KIF19: variants seen among roughly 807,000 people sequenced by gnomAD.
KIF19 encodes the protein kinesin family member 19, also known as kinesin-like protein KIF19.
In KIF19, 98 loss-of-function variants were observed where a neutral mutation model predicts 106.6. The observed-to-expected ratio is 0.92, with a 90% CI of 0.78 to 1.09. KIF19 has a LOEUF of 1.09. Among genes scored for constraint, KIF19 ranks in the 50% least tolerant of loss-of-function variants. The pLI is 0.00. For missense variants in KIF19, 1,373 were observed against 1,414.3 expected, an observed-to-expected ratio of 0.97 and a Z score of 0.47; for synonymous variants, 516 against 584.2, an observed-to-expected ratio of 0.88 and a Z score of 1.68.
At chr17:74,328,871 C>T (rs770619233) in intron 2 of KIF19, 1 of 166,126 alleles carries the variant, frequency 6.0e-6, no homozygotes, top group Non-Finnish European at 1.3e-5. Flanking sequence ...AAAATCCTCG[C>T]TCTCTGTTTG....
chr17:74,346,765 G>A lies in KIF19; in HGVS notation c.924+241G>A, dbSNP rs948648374. ...TTTTATCTGACGACCCTAACCAAAGGCTGGGCAATGGGAAGGAAAAGGAGC... is the reference window on the plus strand; with the variant it reads ...TTTTATCTGACGACCCTAACCAAAGACTGGGCAATGGGAAGGAAAAGGAGC... On this transcript the variant is annotated intron_variant, in intron 8 of 19. Coordinates refer to ENST00000389916, the MANE Select transcript of KIF19 (RefSeq NM_153209.4). This position sits in a 1 kb window ranked among gnomAD's most constrained non-coding sequence, Gnocchi z 4.6. 6.6e-6 allele frequency among the ~76,000 whole-genome samples: 1 copy of A among 152,128 alleles called. No individual in the cohort carries two copies. Among genetic ancestry groups the A allele is most frequent in the Non-Finnish European group, 1.5e-5 (1 of 68,042 alleles).
intron 1 of KIF19, among the ~76,000 whole-genome samples, chr17:74,327,615 G>A (rs1319864395): frequency 6.6e-6 from 1 of 152,218 alleles, no homozygotes; most frequent in East Asian, 1.9e-4. Flanking sequence ...TGGGATAACA[G>A]GCATGCACCA....
At position 74,352,845 on chromosome 17, in the gene KIF19, C is replaced by G; in HGVS notation, c.2005C>G (p.Pro669Ala). 6.2e-7 allele frequency: 1 copy of G among 1,613,972 alleles called. No individual in the cohort carries two copies. Among genetic ancestry groups the G allele is most frequent in the Non-Finnish European group, 8.5e-7 (1 of 1,179,880 alleles). The change falls in exon 15 of 20, where the codon CCA (proline) becomes GCA (alanine). Residue 669 changes from proline to alanine, a missense_variant. Coordinates refer to ENST00000389916, the MANE Select transcript of KIF19 (RefSeq NM_153209.4). ...LQDSSLPKIT[P>A]AGTSLTPDSD... ...GGACAGCTCCTTGCCCAAAATTACCCCAGCAGGAACCTCACTGACCCCAGA... is the reference window on the plus strand; with the variant it reads ...GGACAGCTCCTTGCCCAAAATTACCGCAGCAGGAACCTCACTGACCCCAGA...
In KIF19 at chr17:74,342,324, G is replaced by A. The variant is rs550852710; in HGVS notation, c.232-306G>A. On this transcript the variant is annotated intron_variant, in intron 3 of 19. Transcript: ENST00000389916. ...GTTCAGCGAAGCTGACACCCTCCTC[G>A]AGGACCCCCATCTCGCCCATCTGTG... is the stretch of plus-strand genomic sequence containing the variant. 1.2e-4 allele frequency among the ~76,000 whole-genome samples: 18 copies of A among 152,318 alleles called. No individual in the cohort carries two copies. The South Asian group carries it at 2.9e-3, about 25-fold the overall frequency.
Position 74,351,939 on chromosome 17 carries a change from A to T in KIF19, c.1660A>T (p.Ile554Phe). 1 of 1,466,910 alleles carries T rather than the reference A, an allele frequency of 6.8e-7. No individual in the cohort carries two copies. Among genetic ancestry groups the T allele is most frequent in the Non-Finnish European group, 9.0e-7 (1 of 1,115,558 alleles). 90.9% of individuals were successfully genotyped at this position (1,466,910 alleles called of 1,614,324 possible). The change falls in exon 13 of 20, where the codon ATC becomes TTC. Residue 554 changes from isoleucine to phenylalanine, a missense_variant. Ile to Phe is a conservative substitution (Grantham distance 21). Around this residue, in one of 3 missense-constraint regions of KIF19, gnomAD observed 1,020 missense variants for 1,008.2 expected, o/e 1.01. Transcript: ENST00000389916. ...RRLEETLPRR[I>F]GSEEQREVLS... ...CCTGGAGGAGACGCTGCCGCGGCGC[A>T]TCGGCTCCGAGGAGCAGCGCGAGGT... is the stretch of plus-strand genomic sequence containing the variant.
chr17:74,355,097 T>G, intron 19 of KIF19, 85 bp from the exon 20 acceptor site: 2 of 1,547,504 alleles, frequency 1.3e-6, no homozygotes, highest in Non-Finnish European at 1.8e-6. Context: ...GTGGTGCCCC[T>G]AGAGAGTTCA....
At chr17:74,336,450 A>G (rs2054221552) in intron 2 of KIF19, among the ~76,000 whole-genome samples, 1 of 152,138 alleles carries the variant, frequency 6.6e-6, no homozygotes, top group Non-Finnish European at 1.5e-5. Flanking sequence ...CCTTTTCATA[A>G]CGACACTCGT....
intron 2 of KIF19, among the ~76,000 whole-genome samples, chr17:74,336,362 C>T (rs1054217471): frequency 2.0e-5 from 3 of 151,936 alleles, no homozygotes; most frequent in African/African-American, 7.3e-5. Flanking sequence ...CCTGGCTCCC[C>T]TTGGCTTTAG....
At chr17:74,328,781 C>G in intron 2 of KIF19, 1 of 335,742 alleles carries the variant, frequency 3.0e-6, no homozygotes, top group South Asian at 3.8e-5. Context: ...GACTTTCCCA[C>G]CCTAATATGC....
intron 2 of KIF19, among the ~76,000 whole-genome samples, chr17:74,339,733 A>G (rs1672179937): frequency 6.6e-6 from 1 of 152,188 alleles, no homozygotes; most frequent in Non-Finnish European, 1.5e-5. Flanking sequence ...CCAGGACCCC[A>G]GGGAGCCCAG....
At chr17:74,351,737 T>C in intron 12 of KIF19, 130 bp from the exon 13 acceptor site, 1 of 1,056,148 alleles carries the variant, frequency 9.5e-7, no homozygotes, top group Non-Finnish European at 1.3e-6. Context: ...GATTCAGCTT[T>C]TAGGGTTGGC....
At chr17:74,351,656 T>C (rs957376445) in intron 12 of KIF19, among the ~76,000 whole-genome samples, 4 of 152,018 alleles carry the variant, frequency 2.6e-5, no homozygotes, top group Non-Finnish European at 5.9e-5. Flanking sequence ...CAGGGGTGGT[T>C]TGCGGTCAGG....
chr17:74,354,377 AG>A lies in KIF19; in HGVS notation c.2525del (p.Ser842MetfsTer188). The A allele has an allele frequency of 6.2e-7, 1 of 1,609,462 alleles. No homozygotes were observed. Among genetic ancestry groups the A allele is most frequent in the Non-Finnish European group, 8.5e-7 (1 of 1,178,480 alleles). On this transcript the variant is annotated frameshift_variant, in exon 18 of 20. Coordinates refer to ENST00000389916, the MANE Select transcript of KIF19 (RefSeq NM_153209.4). LOFTEE classifies it high-confidence loss of function. Reference protein sequence around the residue: ...PPSPTLQHAASEDNLSSSTGE... With the variant: ...PPSPTLQHAAXEDNLSSSTGE... ...CAGCCCCACACTACAGCATGCTGCC[AG>A]TGAGGACAACCTGTCCAGCAGCACG...
At position 74,346,447 on chromosome 17, in the gene KIF19, T is replaced by A; in HGVS notation, c.847T>A (p.Cys283Ser). The change falls in exon 8 of 20, where the codon TGC (cysteine) becomes AGC (serine). Residue 283 changes from cysteine (C) to serine (S), a missense_variant. By Grantham distance (112) the Cys-to-Ser change is moderately radical. This residue lies in a region of KIF19 where 5 missense variants were observed against 16.5 expected (regional missense o/e 0.30). Coordinates refer to ENST00000389916, the MANE Select transcript of KIF19 (RefSeq NM_153209.4). This position sits in a 1 kb window ranked among gnomAD's most constrained non-coding sequence, Gnocchi z 4.6. ...CCGCTCACTGCTGGCACTGGGCAAC[T>A]GCATCAACGCCCTGAGCGACAAGGG... ...INRSLLALGN[C>S]INALSDKGSN... is the part of the protein sequence containing the mutation. 1 of 1,565,968 alleles carries A rather than the reference T, an allele frequency of 6.4e-7. No individual in the cohort carries two copies. Among genetic ancestry groups the A allele is most frequent in the Non-Finnish European group, 8.7e-7 (1 of 1,155,506 alleles).
At chr17:74,349,440 C>G in intron 10 of KIF19, 91 bp downstream of exon 10, 1 of 1,339,068 alleles carries the variant, frequency 7.5e-7, no homozygotes, top group Non-Finnish European at 1.0e-6. Flanking sequence ...AATCCAGAAT[C>G]GGGCTCTTTC....
At chr17:74,332,949 C>T (rs58027632) in intron 2 of KIF19, among the ~76,000 whole-genome samples, 16,240 of 152,254 alleles carry the variant, frequency 0.11, 1,360 homozygotes, top group East Asian at 0.39. Flanking sequence ...CCACCCACCC[C>T]GAGAGCTGTC....
At chr17:74,342,437 T>G (rs1231775039) in intron 3 of KIF19, among the ~76,000 whole-genome samples, 193 bp from the exon 4 acceptor site, 3 of 152,004 alleles carry the variant, frequency 2.0e-5, no homozygotes, top group African/African-American at 7.3e-5. Flanking sequence ...TGTCCTGGGC[T>G]CTCTTTCAGC....
chr17:74,355,523 A>G lies in KIF19; in HGVS notation c.*211A>G. 1.6e-6 allele frequency: 1 copy of G among 614,410 alleles called. No individual in the cohort carries two copies. The highest frequency in any genetic ancestry group is 2.6e-6 in the Non-Finnish European group (1 of 381,532). The allele number at this position is 614,410 out of a possible 1,614,324, so 38.1% of individuals were successfully genotyped here. ...GGGAAAAGAGGTGAGGCCAGGGGAC[A>G]TGGCCAGGACGGCTGGGCTCCCTGG... On this transcript the variant is annotated 3_prime_UTR_variant, in exon 20 of 20. Transcript: ENST00000389916.
intron 12 of KIF19, 77 bp from the exon 13 acceptor site, chr17:74,351,790 G>A: frequency 7.4e-7 from 1 of 1,349,446 alleles, no homozygotes; most frequent in Non-Finnish European, 9.5e-7. Context: ...TCCAGGCGCT[G>A]GAGGGTCGAG....
Sources: allele counts gnomAD v4.1 joint callset (sites outside exome capture counted in the v4.1 genomes callset), GRCh38; gene constraint gnomAD v4.1.1; regional missense constraint gnomAD v4.1.1; non-coding constraint Gnocchi (gnomAD v3.1); transcripts MANE v1.5; gene names NCBI Gene and HGNC (gene_info 2026-07-23, HGNC 2026-07-21).